Variants in SLC24A2 observed in about 807,000 individuals in gnomAD.
SLC24A2 encodes the protein sodium/potassium/calcium exchanger 2.
Under a neutral mutation model 62.0 loss-of-function variants are expected in SLC24A2, and 36 were observed. The observed-to-expected ratio is 0.58, with a 90% confidence interval of 0.44 to 0.77. The LOEUF is 0.77. Among genes scored for constraint, SLC24A2 ranks in the 30% least tolerant of loss-of-function variants. The probability of loss-of-function intolerance (pLI) is 0.00; values close to 1 mark genes in which losing one functional copy is unlikely to be tolerated. For missense variants in SLC24A2, 846 were observed against 817.9 expected (o/e 1.03, Z -0.42); for synonymous variants, 358 against 294.0 (o/e 1.22, Z -2.23).
intron 4 of SLC24A2, among the ~76,000 whole-genome samples, chr9:19,598,668 CA>C (rs1186908540): frequency 1.3e-5 from 2 of 151,724 alleles, no homozygotes; most frequent in African/African-American, 4.8e-5. Context: ...AAAATATATA[CA>C]TACGTGTATA....
upstream of SLC24A2, among the ~76,000 whole-genome samples, chr9:19,790,084 AT>A (rs112480474): frequency 0.027 from 4,111 of 150,594 alleles, 192 homozygotes; most frequent in African/African-American, 0.095. Context: ...AAAGCCAGGC[AT>A]TCAAGACTCA....
At chr9:19,784,659 C>T (rs895106009) in intron 2 of SLC24A2, among the ~76,000 whole-genome samples, 1 of 152,080 alleles carries the variant, frequency 6.6e-6, no homozygotes, top group African/African-American at 2.4e-5. Flanking sequence ...CAATGATGGT[C>T]CTATTTTATG....
chr9:20,115,257 C>T, the SLC24A2 span, among the ~76,000 whole-genome samples: 1 of 151,990 alleles, frequency 6.6e-6, no homozygotes, highest in African/African-American at 2.4e-5. Context: ...TGAAATTCTG[C>T]CCAGATTGGT....
At chr9:20,186,985 G>T in the SLC24A2 span, among the ~76,000 whole-genome samples, 1 of 152,100 alleles carries the variant, frequency 6.6e-6, no homozygotes, top group African/African-American at 2.4e-5. Context: ...TCCAAAAATG[G>T]CATCTCTATG....
intron 2 of SLC24A2, among the ~76,000 whole-genome samples, chr9:19,773,715 G>A (rs1822759358): frequency 6.6e-6 from 1 of 152,186 alleles, no homozygotes; most frequent in African/African-American, 2.4e-5. Context: ...CAAGGGGAGT[G>A]ATTCAATCCA....
chr9:19,546,544 G>A (rs1421375359), intron 8 of SLC24A2, among the ~76,000 whole-genome samples: 1 of 152,118 alleles, frequency 6.6e-6, no homozygotes, highest in South Asian at 2.1e-4. Flanking sequence ...CCCCCACCAA[G>A]CTTGAGCATC....
the SLC24A2 span, among the ~76,000 whole-genome samples, chr9:19,845,291 T>G: frequency 6.6e-6 from 1 of 152,252 alleles, no homozygotes; most frequent in East Asian, 1.9e-4. Context: ...TACATTGGAT[T>G]GTATTCTTGA....
intron 2 of SLC24A2, among the ~76,000 whole-genome samples, chr9:19,766,782 T>C (rs905598986): frequency 2.0e-5 from 3 of 152,222 alleles, no homozygotes; most frequent in Non-Finnish European, 1.5e-5. Flanking sequence ...AGCGACCCAC[T>C]TGAGGAGGCA....
At chr9:19,521,149 T>G in intron 9 of SLC24A2, 89 bp from the exon 10 acceptor site, 4 of 1,143,052 alleles carry the variant, frequency 3.5e-6, no homozygotes, top group Non-Finnish European at 5.2e-6. Context: ...CTCCTTTTAA[T>G]GCATTTCTAT....
At position 19,510,226 on chromosome 9, in the gene SLC24A2, C is replaced by T. The variant is rs1379199416; in HGVS notation, c.*5927G>A. ...TCAACACTGTTCAGACAGTGATTAT[C>T]ATTAGTCATAAGGTTCCATCATTTA... On this transcript the variant is annotated 3_prime_UTR_variant, in exon 11 of 11. Transcript: ENST00000341998. The T allele has an allele frequency of 7.2e-5, 11 of 151,860 alleles. 1 individual carries two copies. The highest frequency in any genetic ancestry group is 1.6e-4 in the Non-Finnish European group (11 of 67,990). The allele number at this position is 151,860 out of a possible 1,614,324, so 9.4% of individuals were successfully genotyped here. A position where few individuals can be genotyped will look rare whatever the true frequency, so the allele number is the denominator to read the frequency against.
chr9:20,003,917 C>T, the SLC24A2 span, among the ~76,000 whole-genome samples: 1 of 147,642 alleles, frequency 6.8e-6, no homozygotes, highest in African/African-American at 2.5e-5. Context: ...AGGATAAAAA[C>T]TTGTGTGACC....
the SLC24A2 span, among the ~76,000 whole-genome samples, chr9:20,035,608 G>A: frequency 5.8e-4 from 89 of 152,210 alleles, 1 homozygote; most frequent in East Asian, 0.017. Flanking sequence ...AAAAAAGTTA[G>A]CTGGGTGTGG....
At chr9:19,607,904 C>A (rs1468940379) in intron 4 of SLC24A2, among the ~76,000 whole-genome samples, 3 of 152,018 alleles carry the variant, frequency 2.0e-5, no homozygotes, top group South Asian at 2.1e-4. Flanking sequence ...ATAATGTGTA[C>A]AACACAAAGA....
At chr9:20,177,490 C>A in the SLC24A2 span, among the ~76,000 whole-genome samples, 1 of 152,056 alleles carries the variant, frequency 6.6e-6, no homozygotes, top group East Asian at 1.9e-4. Flanking sequence ...GACCCTTTTT[C>A]TGAGCAGCAG....
At chr9:20,168,124 T>C in the SLC24A2 span, among the ~76,000 whole-genome samples, 9 of 151,980 alleles carry the variant, frequency 5.9e-5, no homozygotes, top group East Asian at 1.7e-3. Flanking sequence ...TATATCAATC[T>C]ACATGTCTAC....
the SLC24A2 span, among the ~76,000 whole-genome samples, chr9:20,079,486 T>C: frequency 6.6e-6 from 1 of 152,242 alleles, no homozygotes; most frequent in African/African-American, 2.4e-5. Context: ...GTTTTCCCAC[T>C]TATTTTTTCC....
At chr9:19,529,028 G>C (rs1212812189) in intron 8 of SLC24A2, among the ~76,000 whole-genome samples, 1 of 152,192 alleles carries the variant, frequency 6.6e-6, no homozygotes, top group Non-Finnish European at 1.5e-5. Flanking sequence ...TTGCACTGTA[G>C]TGGTGTTCTT....
the SLC24A2 span, among the ~76,000 whole-genome samples, chr9:19,886,971 A>T: frequency 1.3e-5 from 2 of 152,156 alleles, no homozygotes; most frequent in African/African-American, 4.8e-5. Context: ...AAAACACCAC[A>T]TGTTCTCACT....
intron 5 of SLC24A2, among the ~76,000 whole-genome samples, chr9:19,590,623 T>C (rs773164226): frequency 6.6e-6 from 1 of 152,216 alleles, no homozygotes; most frequent in Non-Finnish European, 1.5e-5. Flanking sequence ...TTTTCCTCTC[T>C]GTCCTTACTT....
Sources: allele counts gnomAD v4.1 joint callset (sites outside exome capture counted in the v4.1 genomes callset), GRCh38; gene constraint gnomAD v4.1.1; transcripts MANE v1.5; gene names NCBI Gene and HGNC (gene_info 2026-07-23, HGNC 2026-07-21).